The following USP4 variants were observed in gnomAD, a reference collection of about 807,000 sequenced individuals.
USP4 encodes the protein ubiquitin specific peptidase 4.
A neutral mutation model predicts 118.2 loss-of-function variants in USP4; 72 were observed. The observed-to-expected ratio is 0.61, with a 90% CI of 0.50 to 0.74. The LOEUF (loss-of-function observed/expected upper bound fraction) is 0.74. USP4 is among the 30% of genes least tolerant of loss of function. The pLI is 0.00. For missense variants in USP4, 1,037 were observed against 1,185.7 expected (o/e 0.87, Z 1.84); for synonymous variants, 415 against 440.4 (o/e 0.94, Z 0.72).
At position 49,324,765 on chromosome 3, in the gene USP4, T is replaced by G. The variant is rs1244549480; in HGVS notation, c.634-2A>C. The G allele has an allele frequency of 6.2e-7, 1 of 1,614,060 alleles. No individual in the cohort carries two copies. Among genetic ancestry groups the G allele is most frequent in the Non-Finnish European group, 8.5e-7 (1 of 1,180,006 alleles). ...ATTTTGAGGCTCAATTACTAGCACC[T>G]GAGTGAAAGGGGAAACCAAATGAGG... is the stretch of plus-strand genomic sequence containing the variant. On this transcript the variant is annotated splice_acceptor_variant, in intron 5 of 21. Transcript: ENST00000265560. LOFTEE classifies it high-confidence loss of function.
intron 1 of USP4, among the ~76,000 whole-genome samples, chr3:49,339,695 G>A (rs1471641647): frequency 6.6e-6 from 1 of 151,868 alleles, no homozygotes; most frequent in African/African-American, 2.4e-5. Flanking sequence ...CCTGGCCCCC[G>A]CCGGGCCCGC....
chr3:49,302,994 A>G (rs934023470), intron 9 of USP4, among the ~76,000 whole-genome samples: 13 of 152,208 alleles, frequency 8.5e-5, no homozygotes, highest in African/African-American at 3.1e-4. Flanking sequence ...TTATTCTGAG[A>G]GTATGGTCCC....
In USP4 at chr3:49,286,309, T is replaced by G. The variant is rs1559465133; in HGVS notation, c.1989A>C (p.Glu663Asp). ...RNSCEGEDEE[E>D]MEHQEEGKEQ... Reference sequence around the variant, plus strand: ...CTTTGCCTTCTTCCTGATGCTCCATTTCTTCCTCATCTTCTCCTGGCACAT... The same window carrying G: ...CTTTGCCTTCTTCCTGATGCTCCATGTCTTCCTCATCTTCTCCTGGCACAT... Residue 663 changes from glutamate to aspartate, a missense_variant, in exon 16 of 22, where the codon GAA becomes GAC. Physicochemically the swap from Glu to Asp is conservative, Grantham distance 45 (BLOSUM62 2). Around this residue, in one of 3 missense-constraint regions of USP4, gnomAD observed 522 missense variants for 592.6 expected, o/e 0.88. Coordinates refer to ENST00000265560, the MANE Select transcript of USP4 (RefSeq NM_003363.4). 3 of 1,614,148 alleles carry G rather than the reference T, an allele frequency of 1.9e-6. No homozygotes were observed. Among genetic ancestry groups the G allele is most frequent in the Non-Finnish European group, 2.5e-6 (3 of 1,180,010 alleles).
chr3:49,281,287 T>C (rs921316521), intron 19 of USP4, among the ~76,000 whole-genome samples: 1 of 151,448 alleles, frequency 6.6e-6, no homozygotes, highest in Admixed American at 6.6e-5. Flanking sequence ...AAACCCTGTC[T>C]CTACTAAAAA....
intron 12 of USP4, among the ~76,000 whole-genome samples, chr3:49,298,252 C>G (rs542301154): frequency 6.6e-6 from 1 of 152,278 alleles, no homozygotes; most frequent in African/African-American, 2.4e-5. Context: ...CTGGAGTATT[C>G]CATAGTCTGC....
intron 15 of USP4, 76 bp from the exon 16 acceptor site, chr3:49,286,401 C>A: frequency 7.2e-7 from 1 of 1,391,972 alleles, no homozygotes; most frequent in South Asian, 1.3e-5. Flanking sequence ...TAATACATAA[C>A]TATGGTGTTT....
At chr3:49,301,415 C>T (rs1466336745) in intron 10 of USP4, among the ~76,000 whole-genome samples, 1 of 152,056 alleles carries the variant, frequency 6.6e-6, no homozygotes, top group African/African-American at 2.4e-5. Flanking sequence ...TGGCGGGGCA[C>T]GGTGGCTGAC....
At chr3:49,304,743 T>C (rs539380639) in intron 9 of USP4, among the ~76,000 whole-genome samples, 1 of 151,756 alleles carries the variant, frequency 6.6e-6, no homozygotes, top group Non-Finnish European at 1.5e-5. Context: ...TACATCACCA[T>C]GTCCAGCTAA....
chr3:49,336,148 G>A (rs1052368048), intron 1 of USP4, among the ~76,000 whole-genome samples: 2 of 145,816 alleles, frequency 1.4e-5, no homozygotes, highest in African/African-American at 5.0e-5. Context: ...ACAGGCATGA[G>A]CCACTGCACC....
chr3:49,306,024 G>A (rs137895649), intron 8 of USP4, 136 bp from the exon 9 acceptor site: 65 of 858,668 alleles, frequency 7.6e-5, no homozygotes, highest in African/African-American at 6.5e-4. Context: ...GAAGGCTCAC[G>A]ACAGTAAAGC....
intron 8 of USP4, among the ~76,000 whole-genome samples, chr3:49,308,468 C>T (rs1384992308): frequency 1.3e-5 from 2 of 151,726 alleles, no homozygotes; most frequent in Non-Finnish European, 2.9e-5. Flanking sequence ...TACAGGCGCC[C>T]GCCACCATGC....
intron 3 of USP4, among the ~76,000 whole-genome samples, chr3:49,327,372 C>T (rs903665401): frequency 5.3e-5 from 8 of 152,074 alleles, no homozygotes; most frequent in African/African-American, 1.9e-4. Context: ...CCCGTCTCTA[C>T]TAAAAATACA....
intron 6 of USP4, chr3:49,318,920 A>C (rs531598334): frequency 3.3e-5 from 5 of 151,810 alleles, no homozygotes; most frequent in East Asian, 3.9e-4. Flanking sequence ...AAAAAAAAAA[A>C]AAAAACAAAC....
chr3:49,336,266 G>A (rs1010586625), intron 1 of USP4, among the ~76,000 whole-genome samples: 3 of 148,018 alleles, frequency 2.0e-5, no homozygotes, highest in African/African-American at 5.0e-5. Context: ...CCACCTCCTG[G>A]GTTCAAGCAA....
intron 8 of USP4, 139 bp from the exon 9 acceptor site, chr3:49,306,027 A>G (rs2047311538): frequency 1.2e-6 from 1 of 810,000 alleles, no homozygotes; most frequent in Non-Finnish European, 1.8e-6. Context: ...GGCTCACGAC[A>G]GTAAAGCACA....
chr3:49,327,932 T>C lies in USP4; in HGVS notation c.230-116A>G. 3.7e-6 allele frequency: 4 copies of C among 1,067,504 alleles called. No homozygotes were observed. In the South Asian group the frequency reaches 6.8e-5, roughly 18 times the overall value. The allele number at this position is 1,067,504 out of a possible 1,614,324, so 66.1% of individuals were successfully genotyped here. On this transcript the variant is annotated intron_variant, in intron 2 of 21. Transcript: ENST00000265560. Reference sequence around the variant, plus strand: ...AATTATTTACAGAAAGAAACAGGAATGAAATTCCAAAATTCTGTCACTGGT... The same window carrying C: ...AATTATTTACAGAAAGAAACAGGAACGAAATTCCAAAATTCTGTCACTGGT...
At chr3:49,325,209 C>T (rs2047539761) in intron 4 of USP4, among the ~76,000 whole-genome samples, 170 bp from the exon 5 acceptor site, 1 of 152,162 alleles carries the variant, frequency 6.6e-6, no homozygotes. Flanking sequence ...CTCTTGCACT[C>T]ATATGCCTGG....
chr3:49,324,824 G>A (rs2047534880), intron 5 of USP4, 61 bp from the exon 6 acceptor site: 2 of 1,613,566 alleles, frequency 1.2e-6, no homozygotes, highest in Admixed American at 3.3e-5. Context: ...AACATGCTTA[G>A]AAGCAAAAAG....
chr3:49,277,313 A>G lies in USP4; in HGVS notation c.*980T>C. The G allele has an allele frequency of 8.6e-7, 1 of 1,162,938 alleles. No homozygotes were observed. The highest frequency in any genetic ancestry group is 1.6e-5 in the African/African-American group (1 of 63,254). The allele number at this position is 1,162,938 out of a possible 1,614,324, so 72.0% of individuals were successfully genotyped here. A position where few individuals can be genotyped will look rare whatever the true frequency, so the allele number is the denominator to read the frequency against. ...CCGGACCCATACGTCCGGTTCCTTA[A>G]GGCCTTGCCCACACGCAGCGGCTGG... On this transcript the variant is annotated 3_prime_UTR_variant, in exon 22 of 22. Coordinates refer to ENST00000265560, the MANE Select transcript of USP4 (RefSeq NM_003363.4).
Sources: gnomAD v4.1 joint callset for allele counts (sites outside exome capture counted in the v4.1 genomes callset) on GRCh38, gnomAD v4.1.1 for gene constraint, gnomAD v4.1.1 regional missense constraint, MANE v1.5 for transcripts, NCBI Gene and HGNC (gene_info 2026-07-23, HGNC 2026-07-21) for gene names.